The following TEX9 variants were observed in gnomAD, a reference collection of about 807,000 sequenced individuals.
TEX9 encodes the protein testis-expressed protein 9.
A neutral mutation model predicts 59.6 loss-of-function variants in TEX9; 74 were observed. The observed-to-expected ratio is 1.24, with a 90% CI of 1.03 to 1.51. The LOEUF (loss-of-function observed/expected upper bound fraction) is 1.51, where lower values mean the gene tolerates loss of function less well. TEX9 is among the 40% of genes most tolerant of loss of function. TEX9 has a pLI of 0.00. For synonymous variants in TEX9, 186 were observed against 152.2 expected (o/e 1.22, Z -1.64); for missense variants, 522 against 447.8 (o/e 1.17, Z -1.49).
At chr15:56,394,944 T>A in intron 9 of TEX9, 110 bp downstream of exon 9, 1 of 1,046,180 alleles carries the variant, frequency 9.6e-7, no homozygotes, top group Non-Finnish European at 1.4e-6. Context: ...TATTAGTATT[T>A]ACTGAAAACT....
chr15:56,336,934 A>G (rs546726896), intron 1 of TEX9, among the ~76,000 whole-genome samples: 1 of 152,114 alleles, frequency 6.6e-6, no homozygotes, highest in South Asian at 2.1e-4. Context: ...AGTGTTTGAC[A>G]CTCCCAGCAG....
intron 1 of TEX9, among the ~76,000 whole-genome samples, chr15:56,341,173 C>A (rs1459722927): frequency 1.6e-4 from 24 of 152,106 alleles, no homozygotes. Flanking sequence ...TTATACCTGG[C>A]TTTGAATTGA....
intron 1 of TEX9, among the ~76,000 whole-genome samples, chr15:56,349,853 G>A (rs536138788): frequency 6.6e-6 from 1 of 152,064 alleles, no homozygotes; most frequent in African/African-American, 2.4e-5. Flanking sequence ...CTGCAAATAG[G>A]TTGGTCCAGT....
At chr15:56,332,712 TG>T (rs1361710298) in intron 1 of TEX9, among the ~76,000 whole-genome samples, 1 of 144,324 alleles carries the variant, frequency 6.9e-6, no homozygotes, top group Non-Finnish European at 1.5e-5. Context: ...AAAATTGAAA[TG>T]AAAAAACATC....
chr15:56,380,767 C>T (rs2047688967), intron 3 of TEX9, among the ~76,000 whole-genome samples: 1 of 152,132 alleles, frequency 6.6e-6, no homozygotes, highest in African/African-American at 2.4e-5. Flanking sequence ...TGTAAGGTTT[C>T]CACGGAGAAG....
chr15:56,426,616 T>C (rs1201061793), intron 10 of TEX9, among the ~76,000 whole-genome samples: 1 of 45,842 alleles, frequency 2.2e-5, no homozygotes, highest in South Asian at 7.5e-4. Flanking sequence ...TATATATATA[T>C]ATATATATAT....
intron 11 of TEX9, among the ~76,000 whole-genome samples, 200 bp downstream of exon 11, chr15:56,427,939 ATAAG>A (rs1328445645): frequency 6.6e-6 from 1 of 152,148 alleles, no homozygotes; most frequent in Admixed American, 6.6e-5. Flanking sequence ...ATATTTTCAC[ATAAG>A]TAAGTTAGTG....
chr15:56,307,741 C>T (rs1365035821), intron 1 of TEX9, among the ~76,000 whole-genome samples: 2 of 152,126 alleles, frequency 1.3e-5, no homozygotes, highest in Non-Finnish European at 2.9e-5. Context: ...TGTCATTCTC[C>T]CCTGCCCCCA....
At chr15:56,450,904 C>T (rs1371189922), downstream of TEX9, among the ~76,000 whole-genome samples, 10 of 152,128 alleles carry the variant, frequency 6.6e-5, no homozygotes, top group African/African-American at 2.4e-4. Flanking sequence ...CTATTATTTT[C>T]CACTACTTTT....
intron 1 of TEX9, among the ~76,000 whole-genome samples, chr15:56,338,091 A>T (rs980028465): frequency 4.6e-5 from 7 of 152,180 alleles, no homozygotes; most frequent in African/African-American, 1.7e-4. Context: ...AAGGAATCTG[A>T]AATGACCAGG....
At chr15:56,267,740 A>G (rs1195461376) in intron 1 of TEX9, among the ~76,000 whole-genome samples, 1 of 152,156 alleles carries the variant, frequency 6.6e-6, no homozygotes. Flanking sequence ...GGGTTGTAGT[A>G]TAGTTTGAAG....
At chr15:56,426,418 GCTGA>G (rs1399014780) in intron 10 of TEX9, among the ~76,000 whole-genome samples, 6 of 151,726 alleles carry the variant, frequency 4.0e-5, no homozygotes, top group South Asian at 4.2e-4. Context: ...GGTTGCTGCT[GCTGA>G]CTGACTGATT....
chr15:56,398,889 T>G (rs1237474557), intron 9 of TEX9, among the ~76,000 whole-genome samples: 1 of 152,142 alleles, frequency 6.6e-6, no homozygotes, highest in Non-Finnish European at 1.5e-5. Flanking sequence ...ATCCCAGCAC[T>G]TTGGGAGGCC....
chr15:56,308,342 A>T (rs1347246727), intron 1 of TEX9, among the ~76,000 whole-genome samples: 1 of 152,152 alleles, frequency 6.6e-6, no homozygotes, highest in African/African-American at 2.4e-5. Flanking sequence ...GCATCTTTTC[A>T]TATGCTTATT....
At chr15:56,427,307 A>C (rs1176247292) in intron 10 of TEX9, among the ~76,000 whole-genome samples, 1 of 152,126 alleles carries the variant, frequency 6.6e-6, no homozygotes, top group Non-Finnish European at 1.5e-5. Context: ...TTTCAAATAT[A>C]TTATTTTTGA....
intron 1 of TEX9, among the ~76,000 whole-genome samples, chr15:56,304,929 C>T (rs1489544242): frequency 6.6e-6 from 1 of 152,090 alleles, no homozygotes; most frequent in Admixed American, 6.6e-5. Context: ...TGCCATGTTG[C>T]CCAGGCTGGT....
intron 10 of TEX9, among the ~76,000 whole-genome samples, chr15:56,425,320 T>C (rs967043749): frequency 6.6e-6 from 1 of 152,154 alleles, no homozygotes; most frequent in African/African-American, 2.4e-5. Context: ...AATAAGTTAC[T>C]TGTCTCCTTT....
chr15:56,277,908 C>T (rs1367216498), intron 1 of TEX9, among the ~76,000 whole-genome samples: 1 of 152,158 alleles, frequency 6.6e-6, no homozygotes, highest in Admixed American at 6.5e-5. Flanking sequence ...CCTTTCTGCT[C>T]TCTGCCACTG....
chr15:56,438,625 A>G (rs1440027950), intron 12 of TEX9, among the ~76,000 whole-genome samples: 1 of 152,208 alleles, frequency 6.6e-6, no homozygotes, highest in Non-Finnish European at 1.5e-5. Context: ...AATGGCAACA[A>G]AAGCCAAAAT....
Sources: gnomAD v4.1 joint callset for allele counts (sites outside exome capture counted in the v4.1 genomes callset) on GRCh38, gnomAD v4.1.1 for gene constraint, MANE v1.5 for transcripts, NCBI Gene and HGNC (gene_info 2026-07-23, HGNC 2026-07-21) for gene names.